SLC35F6: variants seen among roughly 807,000 people sequenced by gnomAD.
SLC35F6 encodes solute carrier family 35 member F6.
Under a neutral mutation model 29.4 loss-of-function variants are expected in SLC35F6, and 26 were observed. The ratio of observed to expected loss-of-function variants is 0.89; its 90% CI spans 0.65 to 1.23. The LOEUF is 1.23. Among genes scored for constraint, SLC35F6 ranks in the 50% most tolerant of loss-of-function variants. The pLI is 0.00. For synonymous variants in SLC35F6, 174 were observed against 206.6 expected (o/e 0.84, Z 1.35); for missense variants, 428 against 487.8 (o/e 0.88, Z 1.15).
Position 26,778,241 on chromosome 2 carries a change from C to T in SLC35F6, c.846C>T (p.Ser282=), listed in dbSNP as rs1244136820. ...CCTTCTTCAACTTCGCAGGCATCAG[C>T]GTCACCAAGGAACTGAGCGCCACCA... The part of the protein sequence containing the change: ...SIAFFNFAGI[S]VTKELSATTR... The change falls in exon 6 of 6, where the codon AGC becomes AGT. Residue 282 remains serine (S), a synonymous_variant. Coordinates refer to ENST00000344420, the MANE Select transcript of SLC35F6 (RefSeq NM_017877.4). 1.9e-6 allele frequency: 3 copies of T among 1,614,182 alleles called. No homozygotes were observed. The highest frequency in any genetic ancestry group is 2.2e-5 in the South Asian group (2 of 91,086).
chr2:26,772,258 A>G (rs1664210978), intron 1 of SLC35F6, among the ~76,000 whole-genome samples: 1 of 152,124 alleles, frequency 6.6e-6, no homozygotes, highest in African/African-American at 2.4e-5. Context: ...AGGTACAGGA[A>G]CCAGAGGACT....
intron 1 of SLC35F6, chr2:26,765,118 C>A: frequency 1.7e-6 from 1 of 577,092 alleles, no homozygotes; most frequent in Non-Finnish European, 2.2e-6. Flanking sequence ...CACTCCAAGG[C>A]TGCTGCATAG....
At chr2:26,776,828 A>G (rs1664310025) in intron 5 of SLC35F6, among the ~76,000 whole-genome samples, 1 of 152,150 alleles carries the variant, frequency 6.6e-6, no homozygotes, top group Admixed American at 6.6e-5. Flanking sequence ...GCAAATTTCA[A>G]CAGGCAGTAG....
intron 5 of SLC35F6, 49 bp from the exon 6 acceptor site, chr2:26,777,993 G>C: frequency 6.4e-7 from 1 of 1,553,582 alleles, no homozygotes; most frequent in Non-Finnish European, 8.8e-7. Flanking sequence ...GGGCTGTGCT[G>C]GGGGTCTGGG....
intron 1 of SLC35F6, among the ~76,000 whole-genome samples, chr2:26,773,026 T>C (rs1327821456): frequency 6.6e-6 from 1 of 152,156 alleles, no homozygotes; most frequent in South Asian, 2.1e-4. Flanking sequence ...ATTAGAAAGA[T>C]CTTCCAAACC....
In SLC35F6 at chr2:26,778,256, G is replaced by C; in HGVS notation, c.861G>C (p.Leu287=). 6.2e-7 allele frequency: 1 copy of C among 1,614,146 alleles called. No homozygotes were observed. Among genetic ancestry groups the C allele is most frequent in the Non-Finnish European group, 8.5e-7 (1 of 1,180,026 alleles). ...CAGGCATCAGCGTCACCAAGGAACT[G>C]AGCGCCACCACCCGCATGGTGTTGG... ...NFAGISVTKE[L]SATTRMVLDS... The change falls in exon 6 of 6, where the codon CTG becomes CTC. Residue 287 remains leucine (L), a synonymous_variant. Transcript: ENST00000344420.
Position 26,775,143 on chromosome 2 carries a change from C to A in SLC35F6, c.250C>A (p.Gln84Lys). 1 of 1,614,148 alleles carries A rather than the reference C, an allele frequency of 6.2e-7. No individual in the cohort carries two copies. The highest frequency in any genetic ancestry group is 2.2e-5 in the East Asian group (1 of 44,874). ...ATCAGACTCCAGCGTAGACCCCCAG[C>A]AGCCCTTCAACCCTCTTCTTTTCCT... ...GQSDSSVDPQ[Q>K]PFNPLLFLPP... is the part of the protein sequence containing the mutation. The change falls in exon 3 of 6, where the codon CAG becomes AAG. Residue 84 changes from glutamine to lysine, a missense_variant. Transcript: ENST00000344420. This position sits in a 1 kb window ranked among gnomAD's most constrained non-coding sequence, Gnocchi z 4.6.
chr2:26,772,550 T>C (rs1664216738), intron 1 of SLC35F6, among the ~76,000 whole-genome samples: 1 of 152,044 alleles, frequency 6.6e-6, no homozygotes, highest in East Asian at 1.9e-4. Context: ...ACCCAGGGTG[T>C]CAACATGAGG....
intron 1 of SLC35F6, among the ~76,000 whole-genome samples, chr2:26,773,997 G>A (rs184403258): frequency 5.3e-5 from 8 of 152,298 alleles, no homozygotes; most frequent in East Asian, 1.9e-4. Flanking sequence ...GATACCTCAC[G>A]ATATATACAA....
At position 26,778,464 on chromosome 2, in the gene SLC35F6, G is replaced by C; in HGVS notation, c.1069G>C (p.Glu357Gln). ...GRPLAEESEQERLLGGTRTPI... is the reference protein window; with the variant it reads ...GRPLAEESEQQRLLGGTRTPI... ...GCCCCTGGCAGAGGAGAGCGAGCAG[G>C]AGAGACTGCTGGGTGGCACCCGCAC... Residue 357 changes from glutamate to glutamine, a missense_variant, in exon 6 of 6, where the codon GAG becomes CAG. Coordinates refer to ENST00000344420, the MANE Select transcript of SLC35F6 (RefSeq NM_017877.4). 1 of 1,613,414 alleles carries C rather than the reference G, an allele frequency of 6.2e-7. No homozygotes were observed. The highest frequency in any genetic ancestry group is 1.3e-5 in the African/African-American group (1 of 75,008).
intron 1 of SLC35F6, chr2:26,764,839 C>T (rs972458844): frequency 8.1e-6 from 8 of 985,184 alleles, no homozygotes; most frequent in African/African-American, 3.5e-5. Flanking sequence ...AGGCCTCAAG[C>T]GGCAGACAGG....
chr2:26,778,757 G>C lies in SLC35F6; in HGVS notation c.*246G>C, dbSNP rs2148060688. ...GTGCAGTGGCAGACCTCAGCTCTCT[G>C]GACCCCTCCTACAGCACTAGAGCTA... On this transcript the variant is annotated 3_prime_UTR_variant, in exon 6 of 6. Coordinates refer to ENST00000344420, the MANE Select transcript of SLC35F6 (RefSeq NM_017877.4). The C allele has an allele frequency of 2.0e-6, 1 of 510,878 alleles. No individual in the cohort carries two copies. The highest frequency in any genetic ancestry group is 2.9e-5 in the East Asian group (1 of 34,178). 31.6% of individuals were successfully genotyped at this position (510,878 alleles called of 1,614,324 possible). A position where few individuals can be genotyped will look rare whatever the true frequency, so the allele number is the denominator to read the frequency against.
chr2:26,775,218 G>A lies in SLC35F6; in HGVS notation c.322+3G>A, dbSNP rs1195488678. ...AGGGACCAGCCTCATGTATGTGGGT[G>A]AGTAACCAGGCCAGGCTGAGAAGGG... On this transcript the variant is annotated splice_donor_region_variant and intron_variant, in intron 3 of 5. Coordinates refer to ENST00000344420, the MANE Select transcript of SLC35F6 (RefSeq NM_017877.4). This position sits in a 1 kb window ranked among gnomAD's most constrained non-coding sequence, Gnocchi z 4.6. 1.2e-6 allele frequency: 2 copies of A among 1,612,606 alleles called. No homozygotes were observed. Among genetic ancestry groups the A allele is most frequent in the South Asian group, 1.1e-5 (1 of 90,974 alleles).
chr2:26,778,275 G>T lies in SLC35F6; in HGVS notation c.880G>T (p.Val294Leu). 1 of 1,614,202 alleles carries T rather than the reference G, an allele frequency of 6.2e-7. No homozygotes were observed. Among genetic ancestry groups the T allele is most frequent in the South Asian group, 1.1e-5 (1 of 91,084 alleles). Residue 294 changes from valine to leucine, a missense_variant, in exon 6 of 6, where the codon GTG (valine) becomes TTG (leucine). Val to Leu is a conservative substitution (Grantham distance 32). Transcript: ENST00000344420. The stretch of plus-strand genomic sequence containing the variant: ...GGAACTGAGCGCCACCACCCGCATG[G>T]TGTTGGACAGCTTGCGCACCGTTGT... ...TKELSATTRM[V>L]LDSLRTVVIW...
chr2:26,769,933 C>T (rs978653520), intron 1 of SLC35F6, among the ~76,000 whole-genome samples: 3 of 152,160 alleles, frequency 2.0e-5, no homozygotes, highest in Admixed American at 2.0e-4. Context: ...GTAACTTGTC[C>T]AGCCTGTGGG....
chr2:26,779,428 G>C lies in SLC35F6; in HGVS notation c.*917G>C, dbSNP rs1664368051. The C allele has an allele frequency of 6.6e-6, 1 of 152,126 alleles. No individual in the cohort carries two copies. The highest frequency in any genetic ancestry group is 2.4e-5 in the African/African-American group (1 of 41,406). 9.4% of individuals were successfully genotyped at this position (152,126 alleles called of 1,614,324 possible). On this transcript the variant is annotated 3_prime_UTR_variant, in exon 6 of 6. Transcript: ENST00000344420. ...TGCCTTCTGGCCCCAGCATTCCATG[G>C]GCCTGTGATCTTGACCAACCTGAGA...
At position 26,764,309 on chromosome 2, in the gene SLC35F6, C is replaced by T. The variant is rs920935855; in HGVS notation, c.-41C>T. 5.8e-6 allele frequency: 9 copies of T among 1,545,890 alleles called. No individual in the cohort carries two copies. Among genetic ancestry groups the T allele is most frequent in the Middle Eastern group, 1.8e-4 (1 of 5,542 alleles). ...GCGCAGGAGACCCCGGGTGACGGGG[C>T]CCGGCGCCGCTAACTGGAGCGAACC... On this transcript the variant is annotated 5_prime_UTR_variant, in exon 1 of 6. Coordinates refer to ENST00000344420, the MANE Select transcript of SLC35F6 (RefSeq NM_017877.4).
chr2:26,775,855 G>A lies in SLC35F6; in HGVS notation c.535+179G>A, dbSNP rs1335164949. 6.6e-6 allele frequency among the ~76,000 whole-genome samples: 1 copy of A among 152,198 alleles called. No homozygotes were observed. The highest frequency in any genetic ancestry group is 1.5e-5 in the Non-Finnish European group (1 of 68,038). On this transcript the variant is annotated intron_variant, in intron 4 of 5. Transcript: ENST00000344420. The surrounding 1 kb of genome is among the most constrained non-coding windows in gnomAD (Gnocchi z 4.6). ...CTGCAAAGGGATGTGGCTCCACCAA[G>A]GATGAGTGGCAGGCCGGGCAGGGCG...
chr2:26,770,086 T>G (rs1318185684), intron 1 of SLC35F6, among the ~76,000 whole-genome samples: 1 of 152,162 alleles, frequency 6.6e-6, no homozygotes, highest in Non-Finnish European at 1.5e-5. Flanking sequence ...ACAGTCCCCA[T>G]GAAGTGTCCT....
Sources: gnomAD v4.1 joint callset for allele counts (sites outside exome capture counted in the v4.1 genomes callset) on GRCh38, gnomAD v4.1.1 for gene constraint, Gnocchi (gnomAD v3.1) non-coding constraint, MANE v1.5 for transcripts, NCBI Gene and HGNC (gene_info 2026-07-23, HGNC 2026-07-21) for gene names.